Variants in GPR89A observed in about 807,000 individuals in gnomAD.
GPR89A encodes G protein-coupled receptor 89A.
Under a neutral mutation model 52.0 loss-of-function variants are expected in GPR89A, and 16 were observed. The ratio of observed to expected loss-of-function variants is 0.31; its 90% CI spans 0.21 to 0.47. The LOEUF is 0.47. GPR89A is among the 20% of genes least tolerant of loss of function. The pLI is 1.00. For synonymous variants in GPR89A, 55 were observed against 150.9 expected (o/e 0.36, Z 4.66); for missense variants, 135 against 449.4 (o/e 0.30, Z 6.33).
chr1:145,639,944 G>T (rs187328694), intron 7 of GPR89A, among the ~76,000 whole-genome samples: 8 of 152,002 alleles, frequency 5.3e-5, no homozygotes, highest in Non-Finnish European at 8.8e-5. Context: ...CACGCCGGGC[G>T]TGGTGGCTCA....
At chr1:145,629,428 A>T (rs1408798753) in intron 5 of GPR89A, among the ~76,000 whole-genome samples, 4 of 152,214 alleles carry the variant, frequency 2.6e-5, no homozygotes, top group African/African-American at 7.2e-5. Flanking sequence ...ACATTGGCAA[A>T]GGAGAAGGAC....
intron 10 of GPR89A, among the ~76,000 whole-genome samples, chr1:145,652,871 C>A (rs1651547202): frequency 6.7e-6 from 1 of 148,286 alleles, no homozygotes; most frequent in South Asian, 2.1e-4. Flanking sequence ...CTGTTTGATT[C>A]TTCTTCTTTA....
intron 3 of GPR89A, among the ~76,000 whole-genome samples, chr1:145,620,361 T>A (rs1234977941): frequency 6.6e-6 from 1 of 152,106 alleles, no homozygotes; most frequent in African/African-American, 2.4e-5. Context: ...GAGGCCATAG[T>A]TTGCCAGCTA....
intron 7 of GPR89A, among the ~76,000 whole-genome samples, chr1:145,632,621 A>G (rs587762485): frequency 1.3e-5 from 2 of 152,364 alleles, no homozygotes; most frequent in East Asian, 1.9e-4. Context: ...CATGTATGCC[A>G]TATCTTTTTT....
chr1:145,629,010 C>G (rs1226672134), intron 5 of GPR89A, among the ~76,000 whole-genome samples: 1 of 152,082 alleles, frequency 6.6e-6, no homozygotes, highest in Non-Finnish European at 1.5e-5. Flanking sequence ...TGGAACAAGA[C>G]TCTGAAAGAG....
At chr1:145,614,514 T>A (rs1485653733) in intron 1 of GPR89A, among the ~76,000 whole-genome samples, 1 of 152,082 alleles carries the variant, frequency 6.6e-6, no homozygotes, top group Non-Finnish European at 1.5e-5. Context: ...AACCATCTTT[T>A]ATGTAGACCA....
chr1:145,667,975 C>T (rs1410705630), intron 12 of GPR89A, among the ~76,000 whole-genome samples: 1 of 152,122 alleles, frequency 6.6e-6, no homozygotes, highest in African/African-American at 2.4e-5. Context: ...GTTACTGTAG[C>T]CTTGTAGTAT....
chr1:145,650,041 T>C (rs587646866), intron 10 of GPR89A, among the ~76,000 whole-genome samples: 1 of 150,844 alleles, frequency 6.6e-6, no homozygotes, highest in South Asian at 2.1e-4. Flanking sequence ...GTTACATATG[T>C]AAGTATGTGC....
intron 10 of GPR89A, among the ~76,000 whole-genome samples, chr1:145,654,170 A>G (rs1571531107): frequency 6.6e-6 from 1 of 151,856 alleles, no homozygotes; most frequent in Non-Finnish European, 1.5e-5. Context: ...TTCCCTCAGC[A>G]TTTGCTTGTC....
chr1:145,663,333 C>G lies in GPR89A; in HGVS notation c.914C>G (p.Thr305Ser). Residue 305 changes from threonine (T) to serine (S), a missense_variant, in exon 11 of 14, where the codon ACC becomes AGC. Physicochemically the swap from Thr to Ser is moderately conservative, Grantham distance 58. Transcript: ENST00000313835. ...IYCVWKIFMA[T>S]INIVFDRVGK... is the part of the protein sequence containing the mutation. ...TAAAAATCTGCATCTTTGCAGGCTA[C>G]CATCAATATTGTTTTTGATCGAGTT... 6.2e-7 allele frequency: 1 copy of G among 1,610,194 alleles called. No homozygotes were observed. The highest frequency in any genetic ancestry group is 8.5e-7 in the Non-Finnish European group (1 of 1,178,988).
intron 10 of GPR89A, among the ~76,000 whole-genome samples, chr1:145,648,543 G>A (rs377246466): frequency 1.3e-5 from 2 of 151,134 alleles, no homozygotes; most frequent in East Asian, 3.9e-4. Context: ...ACAGTGGTGC[G>A]ATCTCGGCTC....
chr1:145,647,838 CTCTCT>C, intron 10 of GPR89A, among the ~76,000 whole-genome samples: 1 of 8,360 alleles, frequency 1.2e-4, no homozygotes, highest in East Asian at 3.0e-3. Context: ...CTCTCTCTCT[CTCTCT>C]CCTCCTCCTC....
chr1:145,624,507 TA>T (rs1553688686), intron 5 of GPR89A, among the ~76,000 whole-genome samples: 2 of 149,784 alleles, frequency 1.3e-5, no homozygotes, highest in South Asian at 2.1e-4. Flanking sequence ...GGAACCTTTT[TA>T]AAAAAATCTA....
At chr1:145,612,058 C>T (rs1648323888) in intron 1 of GPR89A, 1 of 151,924 alleles carries the variant, frequency 6.6e-6, no homozygotes, top group Non-Finnish European at 1.5e-5. Context: ...AGTTTGCCAA[C>T]GCCAGGAGTT....
chr1:145,616,618 G>T (rs1324969698), intron 2 of GPR89A, among the ~76,000 whole-genome samples: 1 of 152,102 alleles, frequency 6.6e-6, no homozygotes, highest in South Asian at 2.1e-4. Flanking sequence ...TGTCTATCTG[G>T]CCCTGAATTG....
At chr1:145,612,663 T>C (rs1374015453) in intron 1 of GPR89A, among the ~76,000 whole-genome samples, 3 of 152,184 alleles carry the variant, frequency 2.0e-5, no homozygotes, top group African/African-American at 4.8e-5. Context: ...GCCTGTAGTA[T>C]AGTAAATGCT....
chr1:145,660,563 A>G (rs1299854683), intron 10 of GPR89A, among the ~76,000 whole-genome samples: 2 of 152,294 alleles, frequency 1.3e-5, no homozygotes, highest in East Asian at 3.9e-4. Flanking sequence ...TCATCTGACA[A>G]AGGGCTAATA....
intron 1 of GPR89A, among the ~76,000 whole-genome samples, chr1:145,613,071 T>C (rs587748279): frequency 6.6e-6 from 1 of 151,810 alleles, no homozygotes; most frequent in Admixed American, 6.5e-5. Flanking sequence ...AGGTATATCT[T>C]AGACCTGCCT....
chr1:145,619,303 TAA>T, intron 3 of GPR89A, among the ~76,000 whole-genome samples: 1 of 18,648 alleles, frequency 5.4e-5, no homozygotes, highest in Non-Finnish European at 2.3e-4. Context: ...ATTGAAAGGT[TAA>T]AAAAAAAAAA....
Sources: allele counts gnomAD v4.1 joint callset (sites outside exome capture counted in the v4.1 genomes callset), GRCh38; gene constraint gnomAD v4.1.1; transcripts MANE v1.5; gene names NCBI Gene and HGNC (gene_info 2026-07-23, HGNC 2026-07-21).